The following SEMA6A variants were observed in gnomAD, a reference collection of about 807,000 sequenced individuals.
SEMA6A encodes semaphorin-6A.
In SEMA6A, 25 loss-of-function variants were observed where a neutral mutation model predicts 96.8. The observed-to-expected ratio is 0.26, with a 90% confidence interval of 0.19 to 0.36. SEMA6A has a LOEUF of 0.36. Among genes scored for constraint, SEMA6A ranks in the 10% least tolerant of loss-of-function variants. SEMA6A has a pLI of 1.00. For synonymous variants in SEMA6A, 612 were observed against 518.0 expected, an observed-to-expected ratio of 1.18 and a Z score of -2.46; for missense variants, 1,363 against 1,323.1, an observed-to-expected ratio of 1.03 and a Z score of -0.47.
intron 1 of SEMA6A, among the ~76,000 whole-genome samples, chr5:116,563,425 T>C (rs1053706480): frequency 5.9e-5 from 9 of 152,196 alleles, no homozygotes; most frequent in Non-Finnish European, 1.0e-4. Context: ...CATTTTTCCT[T>C]GTAATGAGAA....
intron 1 of SEMA6A, among the ~76,000 whole-genome samples, chr5:116,556,870 C>T (rs922058838): frequency 3.9e-5 from 6 of 152,160 alleles, no homozygotes; most frequent in African/African-American, 7.2e-5. Context: ...AGTGTTGCAA[C>T]GTTACCTTCA....
At chr5:116,470,045 T>A (rs1580396890) in intron 17 of SEMA6A, among the ~76,000 whole-genome samples, 1 of 152,338 alleles carries the variant, frequency 6.6e-6, no homozygotes, top group East Asian at 1.9e-4. Flanking sequence ...TTTAAACTTA[T>A]GCTTGAGGAT....
At chr5:116,511,480 C>A (rs560468804) in intron 1 of SEMA6A, among the ~76,000 whole-genome samples, 1 of 152,184 alleles carries the variant, frequency 6.6e-6, no homozygotes, top group East Asian at 1.9e-4. Flanking sequence ...TATGTCCTTC[C>A]CAAGGCATTA....
intron 1 of SEMA6A, among the ~76,000 whole-genome samples, chr5:116,528,007 A>C (rs1210560768): frequency 6.6e-6 from 1 of 152,214 alleles, no homozygotes; most frequent in African/African-American, 2.4e-5. Context: ...AACTTTTGCA[A>C]GACATAAGTT....
chr5:116,473,517 T>A (rs894290410), intron 16 of SEMA6A, among the ~76,000 whole-genome samples: 3 of 152,228 alleles, frequency 2.0e-5, no homozygotes. Flanking sequence ...TGTGAGAAAC[T>A]GTCCAGTGTT....
rs920323909 is a variant in SEMA6A at position 116,446,489 on chromosome 5, G to A, written c.*124C>T. The A allele has an allele frequency of 4.9e-5, 41 of 828,326 alleles. No homozygotes were observed. In the African/African-American group the frequency reaches 6.6e-4, roughly 13 times the overall value. The allele number at this position is 828,326 out of a possible 1,614,324, so 51.3% of individuals were successfully genotyped here. A position where few individuals can be genotyped will look rare whatever the true frequency, so the allele number is the denominator to read the frequency against. ...TGTGTCCCAGAGAGGAGGACCCAGC[G>A]TCCTCGGCTCTGCCGCAGGCCTTCT... On this transcript the variant is annotated 3_prime_UTR_variant, in exon 19 of 19. Transcript: ENST00000343348.
chr5:116,459,222 A>G (rs1755214657), intron 18 of SEMA6A, among the ~76,000 whole-genome samples: 1 of 152,176 alleles, frequency 6.6e-6, no homozygotes, highest in Non-Finnish European at 1.5e-5. Context: ...CTACCAGGAA[A>G]ATGCCAGCGA....
chr5:116,550,694 A>G (rs1760366880), intron 1 of SEMA6A: 1 of 152,210 alleles, frequency 6.6e-6, no homozygotes, highest in African/African-American at 2.4e-5. Flanking sequence ...CCTGGGCTTC[A>G]GGCTTTGTAA....
At chr5:116,500,867 G>T (rs569944857) in intron 3 of SEMA6A, among the ~76,000 whole-genome samples, 1 of 152,112 alleles carries the variant, frequency 6.6e-6, no homozygotes, top group Non-Finnish European at 1.5e-5. Context: ...TTAGCTGGGC[G>T]TGGTGGCGGG....
chr5:116,509,384 T>C (rs905081134), intron 1 of SEMA6A, among the ~76,000 whole-genome samples: 2 of 152,176 alleles, frequency 1.3e-5, no homozygotes, highest in African/African-American at 4.8e-5. Flanking sequence ...TAATATCATA[T>C]GAAGTTTTAA....
chr5:116,474,305 C>CACACACACACACATCT (rs751871641), intron 16 of SEMA6A, among the ~76,000 whole-genome samples: 6 of 151,888 alleles, frequency 4.0e-5, no homozygotes, highest in Non-Finnish European at 7.4e-5. Context: ...CACACACACA[C>CACACACACACACATCT]ACACATCTTA....
chr5:116,561,371 A>G (rs1469734294), intron 1 of SEMA6A, among the ~76,000 whole-genome samples: 1 of 152,326 alleles, frequency 6.6e-6, no homozygotes, highest in Non-Finnish European at 1.5e-5. Flanking sequence ...AAACAGCCCT[A>G]TCTAAACACC....
At chr5:116,494,252 C>T (rs1757468730) in intron 6 of SEMA6A, among the ~76,000 whole-genome samples, 1 of 152,228 alleles carries the variant, frequency 6.6e-6, no homozygotes, top group Admixed American at 6.5e-5. Context: ...TTACTCCATG[C>T]CTTTGTTCAT....
intron 1 of SEMA6A, among the ~76,000 whole-genome samples, chr5:116,540,199 A>C (rs1345821284): frequency 1.3e-5 from 2 of 152,256 alleles, no homozygotes; most frequent in African/African-American, 4.8e-5. Flanking sequence ...AGTTACATAT[A>C]TAAAACAGTA....
intron 1 of SEMA6A, among the ~76,000 whole-genome samples, chr5:116,512,336 C>T (rs1433663909): frequency 3.3e-5 from 5 of 152,178 alleles, no homozygotes; most frequent in Non-Finnish European, 7.4e-5. Context: ...GCTCCAGCCT[C>T]TTAATAAAGC....
chr5:116,467,704 C>T lies in SEMA6A; in HGVS notation c.1773G>A (p.Ser591=), dbSNP rs375360897. ...TAGACTCATACCCCTCTTGAGCCGT[C>T]GAATCTGATGTGGTTGTGCTGGGCA... is the stretch of plus-strand genomic sequence containing the variant. ...SLLPSTTTSD[S]TAQEGYESRG... is the part of the protein sequence containing the mutation. The change falls in exon 18 of 19, where the codon TCG becomes TCA. Residue 591 remains serine (S), a synonymous_variant. Coordinates refer to ENST00000343348, the MANE Select transcript of SEMA6A (RefSeq NM_020796.5). 3.2e-5 allele frequency: 52 copies of T among 1,613,794 alleles called. No homozygotes were observed. The highest frequency in any genetic ancestry group is 2.1e-4 in the African/African-American group (16 of 75,010).
At chr5:116,448,782 CA>C (rs1029715605) in intron 18 of SEMA6A, among the ~76,000 whole-genome samples, 1 of 131,622 alleles carries the variant, frequency 7.6e-6, no homozygotes, top group Non-Finnish European at 1.6e-5. Flanking sequence ...AAAAACAGTG[CA>C]AACTCAATTT....
chr5:116,564,081 T>G (rs1400471014), intron 1 of SEMA6A, among the ~76,000 whole-genome samples: 3 of 152,220 alleles, frequency 2.0e-5, no homozygotes, highest in African/African-American at 7.2e-5. Flanking sequence ...TTAATTTACT[T>G]CACATTATTG....
At chr5:116,489,860 T>G (rs567575692) in intron 7 of SEMA6A, among the ~76,000 whole-genome samples, 1 of 152,216 alleles carries the variant, frequency 6.6e-6, no homozygotes, top group African/African-American at 2.4e-5. Flanking sequence ...TCAAAAGGGG[T>G]GTTCTAGAAT....
Sources: gnomAD v4.1 joint callset for allele counts (sites outside exome capture counted in the v4.1 genomes callset) on GRCh38, gnomAD v4.1.1 for gene constraint, MANE v1.5 for transcripts, NCBI Gene and HGNC (gene_info 2026-07-23, HGNC 2026-07-21) for gene names.